TRAP1: variants seen among roughly 807,000 people sequenced by gnomAD.
TRAP1 encodes the protein TNF receptor associated protein 1, also known as heat shock protein 75 kDa, mitochondrial.
Under a neutral mutation model 89.1 loss-of-function variants are expected in TRAP1, and 102 were observed. The ratio of observed to expected loss-of-function variants is 1.15; its 90% confidence interval spans 0.98 to 1.35. The LOEUF is 1.35. Among genes scored for constraint, TRAP1 ranks in the 40% most tolerant of loss-of-function variants. The pLI is 0.00. For missense variants in TRAP1, 1,256 were observed against 945.3 expected (o/e 1.33, Z -4.31); for synonymous variants, 508 against 388.0 (o/e 1.31, Z -3.64).
chr16:3,694,593 C>T (rs2051261817), intron 1 of TRAP1, among the ~76,000 whole-genome samples: 1 of 152,174 alleles, frequency 6.6e-6, no homozygotes. Flanking sequence ...CCACCTTGGC[C>T]TCCCAAAGTG....
At chr16:3,717,388 C>T (rs2051611947) in intron 1 of TRAP1, 33 bp downstream of exon 1, 3 of 961,364 alleles carry the variant, frequency 3.1e-6, no homozygotes, top group African/African-American at 1.7e-5. Context: ...TGGCCCGGCC[C>T]GCCCGCTGCC....
rs369893908 is a variant in TRAP1 at position 3,658,832 on chromosome 16, G to A, written c.1974C>T (p.Arg658=). The A allele has an allele frequency of 9.4e-5, 152 of 1,613,862 alleles. 2 individuals are homozygous for A. The highest frequency in any genetic ancestry group is 8.2e-4 in the Middle Eastern group (5 of 6,084). Residue 658 remains arginine (R), a synonymous_variant, in exon 17 of 18, where the codon CGC becomes CGT. Transcript: ENST00000246957. ...HALIKKLNQL[R]ASEPGLAQLL... is the part of the protein sequence containing the mutation. ...GCTGAGCCAGGCCAGGCTCGCTTGC[G>A]CGCAGCTGATTCAGCTTCTTGATGA...
intron 17 of TRAP1, 184 bp downstream of exon 17, chr16:3,658,609 G>A: frequency 4.9e-6 from 3 of 615,902 alleles, no homozygotes; most frequent in South Asian, 2.0e-5. Context: ...GGAGGCAGAG[G>A]TTGTAGTGAG....
At chr16:3,692,144 T>A (rs1414091074) in intron 1 of TRAP1, among the ~76,000 whole-genome samples, 2 of 152,192 alleles carry the variant, frequency 1.3e-5, no homozygotes, top group African/African-American at 4.8e-5. Flanking sequence ...TAAGCCTAAA[T>A]GAACCGCATC....
chr16:3,675,450 C>G lies in TRAP1; in HGVS notation c.815-53G>C, dbSNP rs144871108. 52 of 1,579,586 alleles carry G rather than the reference C, an allele frequency of 3.3e-5. 1 individual carries two copies. The East Asian group carries it at 1.1e-3, about 34-fold the overall frequency. On this transcript the variant is annotated intron_variant, in intron 7 of 17. Transcript: ENST00000246957. ...TGCATCTACAATGCTTGTGGAAACG[C>G]AAGCTTTGCAGCAGCTCCAGGATGA...
rs771168457 is a variant in TRAP1 at position 3,675,282 on chromosome 16, G to C, written c.888+42C>G. On this transcript the variant is annotated intron_variant, in intron 8 of 17. Coordinates refer to ENST00000246957, the MANE Select transcript of TRAP1 (RefSeq NM_016292.3). ...CCGCTGCCCTGAAACGTACAGATTT[G>C]TCTCCATGTTTGACCAGTCCCTAGA... 19 of 1,590,520 alleles carry C rather than the reference G, an allele frequency of 1.2e-5. No individual in the cohort carries two copies. The Admixed American group carries it at 1.8e-4, about 15-fold the overall frequency.
chr16:3,683,903 C>T (rs775793317), intron 4 of TRAP1, among the ~76,000 whole-genome samples: 2 of 152,164 alleles, frequency 1.3e-5, no homozygotes, highest in South Asian at 2.1e-4. Flanking sequence ...CGGTGGCTCC[C>T]GCCTGTAATC....
At chr16:3,681,096 T>C (rs2051068093) in intron 4 of TRAP1, among the ~76,000 whole-genome samples, 1 of 152,182 alleles carries the variant, frequency 6.6e-6, no homozygotes, top group Admixed American at 6.5e-5. Flanking sequence ...TCGCTCAACA[T>C]GCCCATAATG....
At chr16:3,692,557 T>A (rs868346828) in intron 1 of TRAP1, among the ~76,000 whole-genome samples, 1 of 147,586 alleles carries the variant, frequency 6.8e-6, no homozygotes, top group Non-Finnish European at 1.5e-5. Context: ...AAAATTAACA[T>A]ATCAACTTTC....
rs1596727149 is a variant in TRAP1 at position 3,685,918 on chromosome 16, C to G, written c.471+78G>C. ...GGACGGCCAGTACGTCCCTGGGACC[C>G]GAGACATCACTAGAAGGCGGATCCT... On this transcript the variant is annotated intron_variant, in intron 4 of 17. Coordinates refer to ENST00000246957, the MANE Select transcript of TRAP1 (RefSeq NM_016292.3). 2.0e-6 allele frequency: 3 copies of G among 1,528,656 alleles called. No individual in the cohort carries two copies. The East Asian group carries it at 6.9e-5, about 35-fold the overall frequency. The allele number at this position is 1,528,656 out of a possible 1,614,324, so 94.7% of individuals were successfully genotyped here. A position where few individuals can be genotyped will look rare whatever the true frequency, so the allele number is the denominator to read the frequency against.
Position 3,662,021 on chromosome 16 carries a change from G to C in TRAP1, c.1906C>G (p.Gln636Glu). The change falls in exon 16 of 18, where the codon CAG (glutamine) becomes GAG (glutamate). Residue 636 changes from glutamine to glutamate, a missense_variant. By Grantham distance (29) the Gln-to-Glu change is conservative. Coordinates refer to ENST00000246957, the MANE Select transcript of TRAP1 (RefSeq NM_016292.3). ...QLAKTQEERAQLLQPTLEINP... is the reference protein window; with the variant it reads ...QLAKTQEERAELLQPTLEINP... ...ATCTCCAGCGTGGGCTGCAGGAGCTGTGCGCGCTCCTCCTGGGTCTTGGCC... is the reference window on the plus strand; with the variant it reads ...ATCTCCAGCGTGGGCTGCAGGAGCTCTGCGCGCTCCTCCTGGGTCTTGGCC... 1 of 1,612,888 alleles carries C rather than the reference G, an allele frequency of 6.2e-7. No individual in the cohort carries two copies. Among genetic ancestry groups the C allele is most frequent in the Non-Finnish European group, 8.5e-7 (1 of 1,179,844 alleles).
intron 1 of TRAP1, among the ~76,000 whole-genome samples, chr16:3,697,133 A>G (rs145099271): frequency 3.9e-4 from 59 of 152,316 alleles, no homozygotes; most frequent in African/African-American, 1.3e-3. Context: ...ATCATCCTAC[A>G]TTCCTGCCAA....
intron 1 of TRAP1, among the ~76,000 whole-genome samples, chr16:3,703,850 T>C (rs1019120087): frequency 6.0e-5 from 9 of 151,218 alleles, no homozygotes; most frequent in Middle Eastern, 3.4e-3. Flanking sequence ...CCAGTCTCTA[T>C]TGAAAATACA....
intron 1 of TRAP1, among the ~76,000 whole-genome samples, chr16:3,715,327 A>G (rs1008448054): frequency 6.6e-6 from 1 of 152,092 alleles, no homozygotes; most frequent in Non-Finnish European, 1.5e-5. Flanking sequence ...AGTCCCAGCT[A>G]CTCGGGAGGC....
chr16:3,682,445 A>G (rs1269485521), intron 4 of TRAP1, among the ~76,000 whole-genome samples: 1 of 151,446 alleles, frequency 6.6e-6, no homozygotes, highest in Non-Finnish European at 1.5e-5. Flanking sequence ...GCTGGAGTGC[A>G]GTGGTGTGAT....
chr16:3,671,610 C>T (rs2050913631), intron 11 of TRAP1, 112 bp downstream of exon 11: 16 of 1,218,332 alleles, frequency 1.3e-5, no homozygotes, highest in Non-Finnish European at 1.7e-5. Context: ...CGGGCTTCCC[C>T]GACCACCTCT....
chr16:3,704,593 C>T (rs2051413977), intron 1 of TRAP1, among the ~76,000 whole-genome samples: 1 of 152,174 alleles, frequency 6.6e-6, no homozygotes, highest in African/African-American at 2.4e-5. Context: ...CACCTGTAAT[C>T]CCAGCACTTT....
At chr16:3,665,820 G>C in intron 12 of TRAP1, 151 bp downstream of exon 12, 2 of 982,446 alleles carry the variant, frequency 2.0e-6, no homozygotes, top group Non-Finnish European at 2.9e-6. Flanking sequence ...CAGAAGCCTG[G>C]CCTTCCATTT....
chr16:3,675,528 G>A, intron 7 of TRAP1, 131 bp from the exon 8 acceptor site: 1 of 810,862 alleles, frequency 1.2e-6, no homozygotes, highest in East Asian at 2.6e-5. Context: ...CACAGGTACA[G>A]AAACAGGGCA....
Sources: allele counts gnomAD v4.1 joint callset (sites outside exome capture counted in the v4.1 genomes callset), GRCh38; gene constraint gnomAD v4.1.1; transcripts MANE v1.5; gene names NCBI Gene and HGNC (gene_info 2026-07-23, HGNC 2026-07-21).